Variants in LRRC37A2 observed in about 807,000 individuals in gnomAD.
LRRC37A2 encodes leucine-rich repeat-containing protein 37A2.
In LRRC37A2, 9 loss-of-function variants were observed where a neutral mutation model predicts 68.8. The ratio of observed to expected loss-of-function variants is 0.13; its 90% CI spans 0.08 to 0.23. The LOEUF (loss-of-function observed/expected upper bound fraction) is 0.23, where lower values mean the gene tolerates loss of function less well. Among genes scored for constraint, LRRC37A2 ranks in the 10% least tolerant of loss-of-function variants. The pLI is 1.00. For synonymous variants in LRRC37A2, 63 were observed against 367.6 expected (o/e 0.17, Z 9.48); for missense variants, 168 against 950.4 (o/e 0.18, Z 10.82).
the LRRC37A2 span, among the ~76,000 whole-genome samples, chr17:46,739,416 G>A: frequency 7.1e-6 from 1 of 140,808 alleles, no homozygotes; most frequent in Non-Finnish European, 1.5e-5. Context: ...GTGCACACCT[G>A]TAATTCCAGC....
the LRRC37A2 span, among the ~76,000 whole-genome samples, chr17:46,794,331 G>A: frequency 9.9e-5 from 15 of 152,148 alleles, no homozygotes; most frequent in African/African-American, 2.2e-4. Flanking sequence ...TCTTACTAGC[G>A]GTGAAGAGGG....
the LRRC37A2 span, among the ~76,000 whole-genome samples, chr17:46,501,548 A>G: frequency 6.6e-6 from 1 of 151,176 alleles, no homozygotes; most frequent in Admixed American, 6.6e-5. Flanking sequence ...TATAAAGGAG[A>G]CTTTATCATC....
chr17:46,897,394 C>T, the LRRC37A2 span, among the ~76,000 whole-genome samples: 2 of 152,178 alleles, frequency 1.3e-5, no homozygotes, highest in African/African-American at 4.8e-5. Context: ...AGGTCACCTT[C>T]CCCTGGGGTT....
the LRRC37A2 span, among the ~76,000 whole-genome samples, chr17:46,793,084 G>T: frequency 4.3e-5 from 6 of 138,632 alleles, no homozygotes; most frequent in African/African-American, 1.6e-4. Context: ...AGCCGAGAAA[G>T]CAAGACCTTG....
At chr17:46,525,531 G>C (rs1487668758) in intron 6 of LRRC37A2, among the ~76,000 whole-genome samples, 6 of 111,482 alleles carry the variant, frequency 5.4e-5, no homozygotes, top group Admixed American at 4.3e-4. Flanking sequence ...AGGTTGCAGT[G>C]AGCCGAGATG....
At chr17:46,887,742 C>A in the LRRC37A2 span, among the ~76,000 whole-genome samples, 236 of 151,506 alleles carry the variant, frequency 1.6e-3, no homozygotes, top group Non-Finnish European at 2.8e-3. Flanking sequence ...CCAGCCTGGG[C>A]GACATAGCGA....
the LRRC37A2 span, among the ~76,000 whole-genome samples, chr17:46,843,276 C>T: frequency 2.6e-5 from 4 of 152,350 alleles, no homozygotes; most frequent in African/African-American, 7.2e-5. Context: ...TCAACCTCCT[C>T]TCACTCCAAA....
chr17:46,492,912 T>C, the LRRC37A2 span, among the ~76,000 whole-genome samples: 1 of 150,086 alleles, frequency 6.7e-6, no homozygotes, highest in Non-Finnish European at 1.5e-5. Flanking sequence ...GCGAGGATGG[T>C]CTCGATATCC....
the LRRC37A2 span, among the ~76,000 whole-genome samples, chr17:46,998,191 CAGAG>C: frequency 6.6e-6 from 1 of 152,110 alleles, no homozygotes; most frequent in Non-Finnish European, 1.5e-5. Context: ...TTAAGAAACA[CAGAG>C]AGAAATAATG....
At chr17:47,004,771 C>G in the LRRC37A2 span, among the ~76,000 whole-genome samples, 5 of 152,354 alleles carry the variant, frequency 3.3e-5, no homozygotes, top group Admixed American at 2.6e-4. Flanking sequence ...CTCAAGGAAT[C>G]CTCTCGCCTC....
At chr17:46,437,793 G>A in the LRRC37A2 span, among the ~76,000 whole-genome samples, 2 of 109,708 alleles carry the variant, frequency 1.8e-5, no homozygotes, top group African/African-American at 5.8e-5. Flanking sequence ...ACTGGTTACT[G>A]TAGGATAAAC....
the LRRC37A2 span, chr17:46,773,774 G>A: frequency 3.2e-5 from 51 of 1,613,420 alleles, no homozygotes; most frequent in Non-Finnish European, 3.7e-5. Context: ...CCAGCTTCAC[G>A]CCCTCGGCCA....
the LRRC37A2 span, chr17:46,940,391 G>T: frequency 1.8e-4 from 285 of 1,550,078 alleles, no homozygotes; most frequent in Non-Finnish European, 2.4e-4. Flanking sequence ...GTGGACTGGG[G>T]GGTTGCAGCA....
At chr17:46,890,023 G>A in the LRRC37A2 span, among the ~76,000 whole-genome samples, 20 of 152,262 alleles carry the variant, frequency 1.3e-4, 1 homozygote, top group South Asian at 3.7e-3. Flanking sequence ...GTATCATCCT[G>A]AGCAGCCCCT....
At chr17:46,753,953 A>G in the LRRC37A2 span, among the ~76,000 whole-genome samples, 1 of 152,238 alleles carries the variant, frequency 6.6e-6, no homozygotes, top group African/African-American at 2.4e-5. Context: ...AAACTTGCAC[A>G]GAGCTGAGGA....
At chr17:46,857,682 A>G in the LRRC37A2 span, among the ~76,000 whole-genome samples, 1 of 152,072 alleles carries the variant, frequency 6.6e-6, no homozygotes, top group African/African-American at 2.4e-5. Flanking sequence ...TGGTTTTACC[A>G]TTTTACACAG....
At chr17:47,024,899 C>T in the LRRC37A2 span, 2 of 570,924 alleles carry the variant, frequency 3.5e-6, no homozygotes, top group African/African-American at 3.8e-5. Context: ...CCATCTCTAG[C>T]ACTAGCTACC....
At chr17:46,685,287 A>T in the LRRC37A2 span, among the ~76,000 whole-genome samples, 1 of 148,634 alleles carries the variant, frequency 6.7e-6, no homozygotes, top group African/African-American at 2.5e-5. Context: ...TACTGATGAT[A>T]AAATTGAGTT....
the LRRC37A2 span, among the ~76,000 whole-genome samples, chr17:46,781,814 G>A: frequency 1.3e-5 from 2 of 152,206 alleles, no homozygotes. Flanking sequence ...AAATTCCAGA[G>A]CCCCGGGTCT....
Sources: allele counts gnomAD v4.1 joint callset (sites outside exome capture counted in the v4.1 genomes callset), GRCh38; gene constraint gnomAD v4.1.1; transcripts MANE v1.5; gene names NCBI Gene and HGNC (gene_info 2026-07-23, HGNC 2026-07-21).